LRP8: variants seen among roughly 807,000 people sequenced by gnomAD.
LRP8 encodes the protein low-density lipoprotein receptor-related protein 8.
LRP8 carries 46 observed loss-of-function variants against 111.6 expected under a neutral mutation model. The observed-to-expected ratio is 0.41, with a 90% CI of 0.33 to 0.53. LRP8 has a LOEUF of 0.53. Ranked by LOEUF, LRP8 falls within the 20% of genes least tolerant of loss-of-function variation. LRP8 has a pLI of 0.20. For missense variants in LRP8, 959 were observed against 1,297.4 expected (o/e 0.74, Z 4.01); for synonymous variants, 464 against 511.2 (o/e 0.91, Z 1.24).
Position 53,327,026 on chromosome 1 carries a change from G to T in LRP8, c.125-34C>A, listed in dbSNP as rs1191455106. 1.9e-6 allele frequency: 3 copies of T among 1,607,490 alleles called. No homozygotes were observed. The East Asian group carries it at 6.7e-5, about 36-fold the overall frequency. ...GGGAGGGAGCGTGAGCTGGATCAGC[G>T]GACTCGGCCCCACTCCCCACCATGC... is the stretch of plus-strand genomic sequence containing the variant. On this transcript the variant is annotated intron_variant, in intron 1 of 18. Transcript: ENST00000306052.
Position 53,262,507 on chromosome 1 carries a change from G to A in LRP8, c.1713C>T (p.Asn571=), listed in dbSNP as rs1162200650. The part of the protein sequence containing the change: ...DQAKIEKSGL[N]GVDRQTLVSD... ...ACACCAGTGTTTGCCGGTCCACACC[G>A]TTGAGCCCAGATTTCTCAATCTTGG... Residue 571 remains asparagine, a synonymous_variant, in exon 11 of 19, where the codon AAC becomes AAT. Coordinates refer to ENST00000306052, the MANE Select transcript of LRP8 (RefSeq NM_004631.5). The surrounding 1 kb of genome is among the most constrained non-coding windows in gnomAD (Gnocchi z 4.8). 3.7e-6 allele frequency: 6 copies of A among 1,614,064 alleles called. No homozygotes were observed. The highest frequency in any genetic ancestry group is 1.3e-5 in the African/African-American group (1 of 74,916).
In LRP8 at chr1:53,311,323, T is replaced by A. The variant is rs545192798; in HGVS notation, c.244+15550A>T. ...TGGACAGGGGCATGGGCACGGCCAG[T>A]CCCAGGCAGGTGGCGGGCTTACCCT... On this transcript the variant is annotated intron_variant, in intron 2 of 18. Transcript: ENST00000306052. Among the ~76,000 whole-genome samples, 16 of 152,192 alleles carry A rather than the reference T, an allele frequency of 1.1e-4. No individual in the cohort carries two copies. In the South Asian group the frequency reaches 3.3e-3, roughly 32 times the overall value.
At chr1:53,299,864 T>C (rs1235314330) in intron 2 of LRP8, among the ~76,000 whole-genome samples, 1 of 152,218 alleles carries the variant, frequency 6.6e-6, no homozygotes, top group Non-Finnish European at 1.5e-5. Context: ...GCATGGTGAG[T>C]TGGATGAGAT....
At chr1:53,254,306 AC>A (rs958009341) in intron 16 of LRP8, among the ~76,000 whole-genome samples, 11 of 151,472 alleles carry the variant, frequency 7.3e-5, no homozygotes, top group Non-Finnish European at 2.9e-5. Context: ...CTCTAAACCC[AC>A]CCCACCCTGA....
At position 53,289,589 on chromosome 1, in the gene LRP8, G is replaced by C. The variant is rs752265247; in HGVS notation, c.345C>G (p.Ser115=). Residue 115 remains serine, a synonymous_variant, in exon 3 of 19, where the codon TCC becomes TCG. Transcript: ENST00000306052. The part of the protein sequence containing the change: ...CDGEEECPDG[S]DESEATCTKQ... Reference sequence around the variant, plus strand: ...CACTGCAAGTGGCCTCGGACTCATCGGAGCCATCAGGACACTCCTCCTCGC... The same window carrying C: ...CACTGCAAGTGGCCTCGGACTCATCCGAGCCATCAGGACACTCCTCCTCGC... 3.1e-6 allele frequency: 5 copies of C among 1,607,194 alleles called. No homozygotes were observed. In the East Asian group the frequency reaches 1.1e-4, roughly 36 times the overall value.
In LRP8 at chr1:53,246,203, G is replaced by A. The variant is rs1461477963; in HGVS notation, c.*815C>T. 6.6e-6 allele frequency: 1 copy of A among 152,170 alleles called. No homozygotes were observed. 9.4% of individuals were successfully genotyped at this position (152,170 alleles called of 1,614,324 possible). A position where few individuals can be genotyped will look rare whatever the true frequency, so the allele number is the denominator to read the frequency against. ...CCTGGGGTCTCAGGAATAGCCAGAG[G>A]TGAAAAGATTTGCCTTTTTTACTAC... is the stretch of plus-strand genomic sequence containing the variant. On this transcript the variant is annotated 3_prime_UTR_variant, in exon 19 of 19. Coordinates refer to ENST00000306052, the MANE Select transcript of LRP8 (RefSeq NM_004631.5).
chr1:53,319,421 C>CA (rs1182755928), intron 2 of LRP8, among the ~76,000 whole-genome samples: 1 of 152,180 alleles, frequency 6.6e-6, no homozygotes, highest in Non-Finnish European at 1.5e-5. Flanking sequence ...CATGAGGGGT[C>CA]ATGGGAACTG....
chr1:53,274,825 T>C, intron 6 of LRP8: 1 of 456,286 alleles, frequency 2.2e-6, no homozygotes, highest in Non-Finnish European at 4.4e-6. Context: ...GTGACTCTGT[T>C]GGGCCGGACA....
At chr1:53,307,825 G>A (rs930064198) in intron 2 of LRP8, among the ~76,000 whole-genome samples, 5 of 152,350 alleles carry the variant, frequency 3.3e-5, no homozygotes, top group Middle Eastern at 6.8e-3. Context: ...AATTGGTCCA[G>A]GCACGACCCA....
chr1:53,280,687 C>A lies in LRP8; in HGVS notation c.396G>T (p.Leu132=). ...ACTTGTGGCTGGTGGGTCCACAGCT[C>A]AGCTTCTCTGCAGGACACACCTGCT... ...CTKQVCPAEK[L]SCGPTSHKCV... Residue 132 remains leucine, a synonymous_variant, in exon 4 of 19, where the codon CTG becomes CTT. Coordinates refer to ENST00000306052, the MANE Select transcript of LRP8 (RefSeq NM_004631.5). 1 of 1,612,518 alleles carries A rather than the reference C, an allele frequency of 6.2e-7. No individual in the cohort carries two copies. The highest frequency in any genetic ancestry group is 8.5e-7 in the Non-Finnish European group (1 of 1,180,024).
At chr1:53,257,575 T>G in intron 14 of LRP8, 111 bp from the exon 15 acceptor site, 2 of 768,366 alleles carry the variant, frequency 2.6e-6, no homozygotes, top group Non-Finnish European at 4.4e-6. Context: ...CAAATGCCAC[T>G]TCTGTGAAGC....
chr1:53,292,694 G>A (rs1649011604), intron 2 of LRP8, among the ~76,000 whole-genome samples: 1 of 152,166 alleles, frequency 6.6e-6, no homozygotes, highest in Non-Finnish European at 1.5e-5. Context: ...TCTGCCAGGT[G>A]TTTTTACCCA....
intron 18 of LRP8, among the ~76,000 whole-genome samples, chr1:53,248,757 A>G (rs1645803441): frequency 6.6e-6 from 1 of 152,238 alleles, no homozygotes; most frequent in Non-Finnish European, 1.5e-5. Context: ...CTTGGTCCTT[A>G]ACACTCATCG....
chr1:53,312,912 G>A (rs545882353), intron 2 of LRP8, among the ~76,000 whole-genome samples: 7 of 152,338 alleles, frequency 4.6e-5, no homozygotes, highest in Non-Finnish European at 7.3e-5. Flanking sequence ...CAATGCTGAC[G>A]TGCTGGGCAA....
chr1:53,316,222 C>A (rs1385776653), intron 2 of LRP8, among the ~76,000 whole-genome samples: 7 of 152,162 alleles, frequency 4.6e-5, no homozygotes, highest in Non-Finnish European at 8.8e-5. Flanking sequence ...GGGAGAGCTG[C>A]AGCTGGAAGC....
intron 2 of LRP8, among the ~76,000 whole-genome samples, chr1:53,290,046 CTT>C (rs1648377188): frequency 1.3e-5 from 2 of 152,240 alleles, no homozygotes; most frequent in Admixed American, 6.5e-5. Flanking sequence ...TTCTCAGTCT[CTT>C]TACCTGCCTG....
In LRP8 at chr1:53,293,103, G is replaced by T. The variant is rs1405892931; in HGVS notation, c.245-3414C>A. On this transcript the variant is annotated intron_variant, in intron 2 of 18. Transcript: ENST00000306052. The surrounding 1 kb of genome is among the most constrained non-coding windows in gnomAD (Gnocchi z 4.9). Reference sequence around the variant, plus strand: ...GGCAGGCTTGAAGAAGGTGATGATGGGGCTCTGTTGCTGGGCACAGGACAA... The same window carrying T: ...GGCAGGCTTGAAGAAGGTGATGATGTGGCTCTGTTGCTGGGCACAGGACAA... Among the ~76,000 whole-genome samples the T allele has an allele frequency of 6.6e-6, 1 of 152,170 alleles. No individual in the cohort carries two copies. The highest frequency in any genetic ancestry group is 1.5e-5 in the Non-Finnish European group (1 of 68,038).
chr1:53,297,399 A>G (rs1189992971), intron 2 of LRP8, among the ~76,000 whole-genome samples: 2 of 152,170 alleles, frequency 1.3e-5, no homozygotes, highest in Non-Finnish European at 2.9e-5. Flanking sequence ...CAGAAGGCGA[A>G]CGGTTCCCAC....
intron 13 of LRP8, among the ~76,000 whole-genome samples, chr1:53,260,005 C>T (rs1342311089): frequency 6.6e-6 from 1 of 152,164 alleles, no homozygotes; most frequent in African/African-American, 2.4e-5. Flanking sequence ...TATTCCCAAC[C>T]AATAAGCTGA....
Sources: gnomAD v4.1 joint callset for allele counts (sites outside exome capture counted in the v4.1 genomes callset) on GRCh38, gnomAD v4.1.1 for gene constraint, Gnocchi (gnomAD v3.1) non-coding constraint, MANE v1.5 for transcripts, NCBI Gene and HGNC (gene_info 2026-07-23, HGNC 2026-07-21) for gene names.